The following FSTL5 variants were observed in gnomAD, a reference collection of about 807,000 sequenced individuals.
FSTL5 encodes the protein follistatin like 5, also known as follistatin-related protein 5.
FSTL5 carries 62 observed loss-of-function variants against 89.1 expected under a neutral mutation model. That is an observed-to-expected ratio of 0.70 (90% CI 0.57 to 0.86). The LOEUF (loss-of-function observed/expected upper bound fraction) is 0.86, where lower values mean the gene tolerates loss of function less well. Ranked by LOEUF, FSTL5 falls within the 40% of genes least tolerant of loss-of-function variation. The probability of loss-of-function intolerance (pLI) is 0.00; values close to 1 mark genes in which losing one functional copy is unlikely to be tolerated. For synonymous variants in FSTL5, 383 were observed against 346.2 expected, an observed-to-expected ratio of 1.11 and a Z score of -1.18; for missense variants, 1,057 against 1,001.6, an observed-to-expected ratio of 1.06 and a Z score of -0.75.
chr4:161,474,983 G>A (rs926959898), intron 13 of FSTL5, among the ~76,000 whole-genome samples: 5 of 150,324 alleles, frequency 3.3e-5, no homozygotes, highest in South Asian at 2.1e-4. Context: ...TTTCTACTTC[G>A]CTTTTGAAGG....
At chr4:161,404,496 C>G (rs1417832786) in intron 15 of FSTL5, among the ~76,000 whole-genome samples, 1 of 152,172 alleles carries the variant, frequency 6.6e-6, no homozygotes, top group East Asian at 1.9e-4. Flanking sequence ...AAGTTTTCCA[C>G]TAACAGTGGA....
At chr4:161,659,077 G>T (rs1195206981) in intron 6 of FSTL5, among the ~76,000 whole-genome samples, 2 of 151,956 alleles carry the variant, frequency 1.3e-5, no homozygotes, top group Non-Finnish European at 2.9e-5. Flanking sequence ...AACATTATGT[G>T]GGCAATCTTT....
At position 162,014,222 on chromosome 4, in the gene FSTL5, T is replaced by C. The variant is rs553884376; in HGVS notation, c.160+19403A>G. ...GTATGGAAAAGAGCATCTTCATATA[T>C]ACCTACCACTTAGATTTTAAAGAAC... On this transcript the variant is annotated intron_variant, in intron 3 of 15. Coordinates refer to ENST00000306100, the MANE Select transcript of FSTL5 (RefSeq NM_020116.5). 6.6e-5 allele frequency among the ~76,000 whole-genome samples: 10 copies of C among 152,350 alleles called. 1 individual carries two copies. In the South Asian group the frequency reaches 2.1e-3, roughly 32 times the overall value.
chr4:161,685,856 A>G (rs935166908), intron 6 of FSTL5, among the ~76,000 whole-genome samples: 6 of 152,096 alleles, frequency 3.9e-5, no homozygotes, highest in Non-Finnish European at 8.8e-5. Flanking sequence ...GAATGCTTTC[A>G]ACTTTTCCCC....
chr4:161,635,261 C>T lies in FSTL5; in HGVS notation c.894+21067G>A, dbSNP rs180682612. On this transcript the variant is annotated intron_variant, in intron 7 of 15. Transcript: ENST00000306100. Reference sequence around the variant, plus strand: ...AAAATTAGCCGGGCGTGGTGGCAGGCGCCTGTAATCCCAGTTACTCAGAAG... The same window carrying T: ...AAAATTAGCCGGGCGTGGTGGCAGGTGCCTGTAATCCCAGTTACTCAGAAG... 7.0e-4 allele frequency among the ~76,000 whole-genome samples: 106 copies of T among 152,080 alleles called. No individual in the cohort carries two copies. The East Asian group carries it at 0.016, about 23-fold the overall frequency.
intron 1 of FSTL5, among the ~76,000 whole-genome samples, chr4:162,149,316 T>G (rs1254536950): frequency 6.6e-6 from 1 of 152,038 alleles, no homozygotes; most frequent in African/African-American, 2.4e-5. Flanking sequence ...GAGACCAGCC[T>G]GGGCAACATA....
intron 4 of FSTL5, among the ~76,000 whole-genome samples, chr4:161,874,776 G>A (rs1732386672): frequency 6.6e-6 from 1 of 151,996 alleles, no homozygotes; most frequent in African/African-American, 2.4e-5. Flanking sequence ...CATAAATCAT[G>A]TAAACAAATT....
chr4:161,403,147 C>G lies in FSTL5; in HGVS notation c.1842-16698G>C, dbSNP rs546678109. ...CCCGGCCCCCAGAACTATTAATAAT[C>G]ATTACTAACAGTCAAAATATTGACT... On this transcript the variant is annotated intron_variant, in intron 15 of 15. Transcript: ENST00000306100. Among the ~76,000 whole-genome samples, 5 of 152,166 alleles carry G rather than the reference C, an allele frequency of 3.3e-5. No homozygotes were observed. The South Asian group carries it at 1.0e-3, about 32-fold the overall frequency.
intron 4 of FSTL5, among the ~76,000 whole-genome samples, chr4:161,899,393 G>A (rs1733278668): frequency 6.6e-6 from 1 of 152,088 alleles, no homozygotes; most frequent in African/African-American, 2.4e-5. Context: ...TTAATTATAG[G>A]TGCCAGTAAC....
intron 6 of FSTL5, among the ~76,000 whole-genome samples, chr4:161,674,939 C>T (rs1229097619): frequency 6.6e-6 from 1 of 152,058 alleles, no homozygotes; most frequent in Admixed American, 6.6e-5. Flanking sequence ...ACCTCTCTTC[C>T]ACATAGAGGT....
At chr4:161,511,716 G>T (rs1466009554) in intron 10 of FSTL5, among the ~76,000 whole-genome samples, 1 of 151,880 alleles carries the variant, frequency 6.6e-6, no homozygotes, top group Non-Finnish European at 1.5e-5. Context: ...TTCTCAAGGA[G>T]AGGTTATAGA....
chr4:161,802,276 T>C (rs1236877193), intron 4 of FSTL5, among the ~76,000 whole-genome samples: 4 of 151,722 alleles, frequency 2.6e-5, no homozygotes, highest in African/African-American at 9.7e-5. Context: ...TCTGGGACTT[T>C]GATTATAACC....
chr4:162,050,967 CAAT>C (rs1279039135), intron 2 of FSTL5, among the ~76,000 whole-genome samples: 1 of 151,136 alleles, frequency 6.6e-6, no homozygotes, highest in Non-Finnish European at 1.5e-5. Context: ...CCTAATGTAA[CAAT>C]AATAATAATA....
rs576179490 is a variant in FSTL5 at position 161,967,574 on chromosome 4, T to TA, written c.161-46923_161-46922insT. Among the ~76,000 whole-genome samples the TA allele has an allele frequency of 2.3e-3, 344 of 152,120 alleles. 2 individuals carry two copies. The highest frequency in any genetic ancestry group is 7.9e-3 in the African/African-American group (330 of 41,568). Reference sequence around the variant, plus strand: ...AATATGAAATAACTTTGTAAGTTGTTGATTTGTTAAATGATGTAAAGATAA... The same window carrying TA: ...AATATGAAATAACTTTGTAAGTTGTTAGATTTGTTAAATGATGTAAAGATAA... On this transcript the variant is annotated intron_variant, in intron 3 of 15. Transcript: ENST00000306100.
chr4:161,777,073 C>G (rs925595098), intron 4 of FSTL5, among the ~76,000 whole-genome samples: 15 of 151,978 alleles, frequency 9.9e-5, no homozygotes, highest in African/African-American at 3.4e-4. Context: ...CTTTACTCTA[C>G]AGCCATGACT....
intron 6 of FSTL5, among the ~76,000 whole-genome samples, chr4:161,727,091 G>A (rs1739451976): frequency 6.6e-6 from 1 of 152,150 alleles, no homozygotes; most frequent in Non-Finnish European, 1.5e-5. Flanking sequence ...ATCTGCTGAT[G>A]ATGATACTGA....
chr4:161,655,929 T>C (rs978765240), intron 7 of FSTL5, among the ~76,000 whole-genome samples: 2 of 152,158 alleles, frequency 1.3e-5, no homozygotes, highest in African/African-American at 4.8e-5. Context: ...GCATTTTAAT[T>C]TTTCCTTTTA....
At chr4:161,771,826 T>A (rs1298755516) in intron 5 of FSTL5, among the ~76,000 whole-genome samples, 2 of 152,126 alleles carry the variant, frequency 1.3e-5, no homozygotes, top group Admixed American at 1.3e-4. Context: ...TTTGGGAGTT[T>A]AAAATTTCAC....
At chr4:161,948,292 G>GAAAAA in intron 3 of FSTL5, among the ~76,000 whole-genome samples, 1 of 113,754 alleles carries the variant, frequency 8.8e-6, no homozygotes, top group South Asian at 3.0e-4. Flanking sequence ...CTAAAGAAAT[G>GAAAAA]AAAAAAAAAA....
Sources: allele counts gnomAD v4.1 joint callset (sites outside exome capture counted in the v4.1 genomes callset), GRCh38; gene constraint gnomAD v4.1.1; transcripts MANE v1.5; gene names NCBI Gene and HGNC (gene_info 2026-07-23, HGNC 2026-07-21).